Variants in MAGEB1 observed in about 807,000 individuals in gnomAD.
MAGEB1 encodes melanoma-associated antigen B1.
For synonymous variants in MAGEB1, 99 were observed against 105.7 expected, an observed-to-expected ratio of 0.94 and a Z score of 0.39; for missense variants, 290 against 286.7, an observed-to-expected ratio of 1.01 and a Z score of -0.08.
At chrX:30,246,638 G>A (rs1304200400), upstream of MAGEB1, among the ~76,000 whole-genome samples, 2 of 112,109 alleles carry the variant, frequency 1.8e-5, no homozygotes, top group African/African-American at 6.5e-5. Flanking sequence ...GGGCTTTTAA[G>A]TGTTAAGAGG....
intron 1 of MAGEB1, among the ~76,000 whole-genome samples, chrX:30,249,387 G>A (rs770534566): frequency 2.9e-4 from 32 of 111,746 alleles, no homozygotes; most frequent in African/African-American, 1.0e-3. Context: ...CCTCATCAGT[G>A]GGGATCCCTC....
rs762824125 is a variant in MAGEB1 at position 30,251,248 on chromosome X, A to G, written c.755A>G (p.Glu252Gly). The change falls in exon 2 of 2, where the codon GAA becomes GGA. Residue 252 changes from glutamate (E) to glycine (G), a missense_variant. Coordinates refer to ENST00000397548, the MANE Select transcript of MAGEB1 (RefSeq NM_177404.3). The part of the protein sequence containing the change: ...RKFITQDLVQ[E>G]KYLKYEQVPN... ...TTCATCACCCAAGATCTGGTGCAGG[A>G]AAAATATCTGAAGTACGAGCAGGTG... is the stretch of plus-strand genomic sequence containing the variant. The G allele has an allele frequency of 8.3e-7, 1 of 1,210,634 alleles. No homozygotes were observed. Among genetic ancestry groups the G allele is most frequent in the Non-Finnish European group, 1.1e-6 (1 of 895,356 alleles).
At chrX:30,249,284 G>C (rs574455140) in intron 1 of MAGEB1, among the ~76,000 whole-genome samples, 29 of 111,390 alleles carry the variant, frequency 2.6e-4, no homozygotes, top group East Asian at 1.7e-3. Context: ...GAGGCAATGA[G>C]AATCTTAATC....
At chrX:30,245,381 C>T (rs180830884), upstream of MAGEB1, among the ~76,000 whole-genome samples, 10 of 112,044 alleles carry the variant, frequency 8.9e-5, no homozygotes, top group Non-Finnish European at 1.9e-4. Context: ...GGGCTTTGCA[C>T]ACTTTCACCA....
At chrX:30,244,459 A>G (rs1925243944), upstream of MAGEB1, among the ~76,000 whole-genome samples, 1 of 112,077 alleles carries the variant, frequency 8.9e-6, no homozygotes, top group African/African-American at 3.2e-5. Context: ...ACAGAATTTT[A>G]GAATCCAACA....
In MAGEB1 at chrX:30,251,640, T is replaced by C. The variant is rs368700980; in HGVS notation, c.*103T>C. On this transcript the variant is annotated 3_prime_UTR_variant, in exon 2 of 2. Coordinates refer to ENST00000397548, the MANE Select transcript of MAGEB1 (RefSeq NM_177404.3). ...TAGAGAGATCATCATATATATCTCC[T>C]TTGTGTTCCTGTTAAACATTAGTAT... 1 of 643,536 alleles carries C rather than the reference T, an allele frequency of 1.6e-6. No homozygotes were observed. Among genetic ancestry groups the C allele is most frequent in the Non-Finnish European group, 2.4e-6 (1 of 418,588 alleles). The allele number at this position is 643,536 out of a possible 1,213,427, so 53.0% of individuals were successfully genotyped here.
At chrX:30,250,157 T>C (rs1569258485) in intron 1 of MAGEB1, among the ~76,000 whole-genome samples, 1 of 111,198 alleles carries the variant, frequency 9.0e-6, no homozygotes, top group Non-Finnish European at 1.9e-5. Context: ...AGCTTTGAAG[T>C]GTCAGCTTCA....
upstream of MAGEB1, chrX:30,246,405 G>A (rs138158920): frequency 8.9e-6 from 1 of 112,013 alleles, no homozygotes; most frequent in African/African-American, 3.2e-5. Flanking sequence ...TAAGTTACAG[G>A]TTTGCTCACT....
Position 30,251,086 on chromosome X carries a change from A to T in MAGEB1, c.593A>T (p.Asn198Ile). 1 of 1,210,572 alleles carries T rather than the reference A, an allele frequency of 8.3e-7. No individual in the cohort carries two copies. The change falls in exon 2 of 2, where the codon AAT (asparagine) becomes ATT (isoleucine). Residue 198 changes from asparagine to isoleucine, a missense_variant. By Grantham distance (149) the Asn-to-Ile change is moderately radical. Coordinates refer to ENST00000397548, the MANE Select transcript of MAGEB1 (RefSeq NM_177404.3). ...AGCAATGATTGGGACTTTCCCAGGA[A>T]TGGGCTTCTGATGCCTCTCCTGGGT... ...NLSNDWDFPRNGLLMPLLGVI... is the reference protein window; with the variant it reads ...NLSNDWDFPRIGLLMPLLGVI...
upstream of MAGEB1, among the ~76,000 whole-genome samples, chrX:30,244,502 T>A (rs1925246097): frequency 8.9e-6 from 1 of 111,851 alleles, no homozygotes; most frequent in African/African-American, 3.3e-5. Flanking sequence ...AATGAGATAC[T>A]CCTTAAGACC....
chrX:30,245,002 T>G (rs755532058), upstream of MAGEB1, among the ~76,000 whole-genome samples: 5 of 112,200 alleles, frequency 4.5e-5, no homozygotes, highest in South Asian at 1.9e-3. Flanking sequence ...AAGGAATTTT[T>G]TTTCCTTTCA....
At position 30,251,688 on chromosome X, in the gene MAGEB1, T is replaced by C. The variant is rs1925539128; in HGVS notation, c.*151T>C. ...TATCTTTCAAGTGTTTTTCTTTTAA[T>C]AGAATGTTTATTTAGAGTTGGGATC... On this transcript the variant is annotated 3_prime_UTR_variant, in exon 2 of 2. Transcript: ENST00000397548. The C allele has an allele frequency of 2.1e-6, 1 of 486,490 alleles. No individual in the cohort carries two copies. Among genetic ancestry groups the C allele is most frequent in the East Asian group, 3.7e-5 (1 of 26,916 alleles). 40.1% of individuals were successfully genotyped at this position (486,490 alleles called of 1,213,427 possible).
intron 1 of MAGEB1, among the ~76,000 whole-genome samples, chrX:30,247,918 T>G (rs781290096): frequency 7.9e-4 from 64 of 81,419 alleles, no homozygotes; most frequent in African/African-American, 3.1e-3. Flanking sequence ...CACTCCAGCC[T>G]GGGTGACAGA....
chrX:30,245,608 C>T (rs1227515399), upstream of MAGEB1, among the ~76,000 whole-genome samples: 1 of 112,219 alleles, frequency 8.9e-6, no homozygotes, highest in Admixed American at 9.4e-5. Context: ...TCTTCTACAA[C>T]CCCAAAGTGT....
chrX:30,250,003 T>A (rs1163966075), intron 1 of MAGEB1, among the ~76,000 whole-genome samples: 1 of 111,429 alleles, frequency 9.0e-6, no homozygotes, highest in African/African-American at 3.3e-5. Context: ...ATAGATGAGA[T>A]GAGGACTCTG....
chrX:30,248,079 G>T (rs1037509025), intron 1 of MAGEB1, among the ~76,000 whole-genome samples: 2 of 111,407 alleles, frequency 1.8e-5, no homozygotes, highest in African/African-American at 6.5e-5. Context: ...TGTCTACGGG[G>T]CATGGTGTTA....
intron 1 of MAGEB1, among the ~76,000 whole-genome samples, chrX:30,247,946 GAAA>G (rs57368527): frequency 4.1e-4 from 19 of 45,939 alleles, no homozygotes; most frequent in African/African-American, 1.5e-3. Context: ...TCAGTCTCAA[GAAA>G]AAAAAAAAAA....
Position 30,251,008 on chromosome X carries a change from G to A in MAGEB1, c.515G>A (p.Gly172Asp), listed in dbSNP as rs1284673276. The change falls in exon 2 of 2, where the codon GGC (glycine) becomes GAC (aspartate). Residue 172 changes from glycine to aspartate, a missense_variant. Physicochemically the swap from Gly to Asp is moderately conservative, Grantham distance 94. Transcript: ENST00000397548. Reference protein sequence around the residue: ...GLDLKEDNPSGHTYTLVSKLN... With the variant: ...GLDLKEDNPSDHTYTLVSKLN... Reference sequence around the variant, plus strand: ...GATTTGAAGGAAGACAACCCTAGTGGCCACACCTACACCCTCGTCAGTAAG... The same window carrying A: ...GATTTGAAGGAAGACAACCCTAGTGACCACACCTACACCCTCGTCAGTAAG... 3.3e-6 allele frequency: 4 copies of A among 1,211,552 alleles called. No homozygotes were observed. Among genetic ancestry groups the A allele is most frequent in the African/African-American group, 1.7e-5 (1 of 57,808 alleles).
chrX:30,251,811 T>C lies in MAGEB1; in HGVS notation c.*274T>C, dbSNP rs898557568. The C allele has an allele frequency of 3.5e-6, 1 of 283,970 alleles. No homozygotes were observed. Among genetic ancestry groups the C allele is most frequent in the African/African-American group, 2.8e-5 (1 of 36,241 alleles). 23.4% of individuals were successfully genotyped at this position (283,970 alleles called of 1,213,427 possible). A position where few individuals can be genotyped will look rare whatever the true frequency, so the allele number is the denominator to read the frequency against. On this transcript the variant is annotated 3_prime_UTR_variant, in exon 2 of 2. Transcript: ENST00000397548. ...ATATTTTTCAAATCCTTGAATCTTT[T>C]TTGGGTTGAAGAAGAAGAAAGCATA...
Sources: gnomAD v4.1 joint callset for allele counts (sites outside exome capture counted in the v4.1 genomes callset) on GRCh38, gnomAD v4.1.1 for gene constraint, MANE v1.5 for transcripts, NCBI Gene and HGNC (gene_info 2026-07-23, HGNC 2026-07-21) for gene names.